Variants in KDM5C observed in about 807,000 individuals in gnomAD.
KDM5C encodes lysine-specific demethylase 5C.
Under a neutral mutation model 110.6 loss-of-function variants are expected in KDM5C, and 16 were observed. The ratio of observed to expected loss-of-function variants is 0.14; its 90% confidence interval spans 0.10 to 0.22. The LOEUF (loss-of-function observed/expected upper bound fraction) is 0.22, where lower values mean the gene tolerates loss of function less well. Ranked by LOEUF, KDM5C falls within the 10% of genes least tolerant of loss-of-function variation. KDM5C has a pLI of 1.00. For synonymous variants in KDM5C, 511 were observed against 520.4 expected, an observed-to-expected ratio of 0.98 and a Z score of 0.24; for missense variants, 681 against 1,300.9, an observed-to-expected ratio of 0.52 and a Z score of 7.33.
At chrX:53,195,501 G>A in intron 20 of KDM5C, 91 bp from the exon 21 acceptor site, 2 of 900,202 alleles carry the variant, frequency 2.2e-6, no homozygotes, top group South Asian at 2.1e-5. Flanking sequence ...AAGATGAACT[G>A]GGCTCAGTCT....
At chrX:53,216,948 C>G (rs1410635913) in intron 5 of KDM5C, among the ~76,000 whole-genome samples, 195 bp downstream of exon 5, 1 of 112,202 alleles carries the variant, frequency 8.9e-6, no homozygotes, top group African/African-American at 3.2e-5. Flanking sequence ...ACAAACAGAT[C>G]AAGACCCAGC....
chrX:53,215,746 T>C (rs782679883), intron 7 of KDM5C, 49 bp downstream of exon 7: 3 of 1,166,069 alleles, frequency 2.6e-6, no homozygotes, highest in Non-Finnish European at 3.5e-6. Context: ...GGAATGCTTA[T>C]TGAAGGGACA....
intron 25 of KDM5C, among the ~76,000 whole-genome samples, chrX:53,182,381 C>CCTCCTTTGCCCAT (rs1556826510): frequency 1.8e-5 from 2 of 110,074 alleles, no homozygotes; most frequent in African/African-American, 6.6e-5. Context: ...CTGCGCCTGG[C>CCTCCTTTGCCCAT]TGGGCCAAAC....
rs1170550567 is a variant in KDM5C at position 53,192,541 on chromosome X, AAG to A, written c.*424_*425del. ...GGAGAAGGGGGTAGGAAGGAAGGAA[AAG>A]AGGGGAGGAGAGTGGGGGCAGGGGT... On this transcript the variant is annotated 3_prime_UTR_variant, in exon 26 of 26. Coordinates refer to ENST00000375401, the MANE Select transcript of KDM5C (RefSeq NM_004187.5). The A allele has an allele frequency of 2.8e-6, 1 of 355,656 alleles. No individual in the cohort carries two copies. Among genetic ancestry groups the A allele is most frequent in the Non-Finnish European group, 5.0e-6 (1 of 200,371 alleles). The allele number at this position is 355,656 out of a possible 1,213,427, so 29.3% of individuals were successfully genotyped here.
downstream of KDM5C, among the ~76,000 whole-genome samples, chrX:53,188,732 GAAATT>G (rs1360738262): frequency 9.0e-6 from 1 of 111,584 alleles, no homozygotes; most frequent in Non-Finnish European, 1.9e-5. Context: ...TCTCACATCT[GAAATT>G]AAGTTATAAA....
Position 53,196,969 on chromosome X carries a change from G to T in KDM5C, c.2698C>A (p.Leu900Ile). 1 of 1,194,266 alleles carries T rather than the reference G, an allele frequency of 8.4e-7. No homozygotes were observed. The highest frequency in any genetic ancestry group is 1.1e-6 in the Non-Finnish European group (1 of 886,569). ...ALASLPSSPGLLQSLLERGRQ... is the reference protein window; with the variant it reads ...ALASLPSSPGILQSLLERGRQ... The stretch of plus-strand genomic sequence containing the variant: ...CCCCTCTCCAACAGGGACTGCAGTA[G>T]CCCTGGACTGGAGGGCAGTGAGGCC... The change falls in exon 19 of 26, where the codon CTA becomes ATA. Residue 900 changes from leucine (L) to isoleucine (I), a missense_variant. Physicochemically the swap from Leu to Ile is conservative, Grantham distance 5. Around this residue, in one of 14 missense-constraint regions of KDM5C, gnomAD observed 123 missense variants for 169.0 expected, o/e 0.73. Coordinates refer to ENST00000375401, the MANE Select transcript of KDM5C (RefSeq NM_004187.5).
intron 25 of KDM5C, among the ~76,000 whole-genome samples, chrX:53,179,753 A>G (rs1556825295): frequency 8.9e-6 from 1 of 112,240 alleles, no homozygotes; most frequent in Admixed American, 9.5e-5. Flanking sequence ...ACCTATTAGT[A>G]TGGCCAAAAT....
At position 53,192,993 on chromosome X, in the gene KDM5C, G is replaced by A; in HGVS notation, c.4657C>T (p.Gln1553Ter). Reference sequence around the variant, plus strand: ...CACAACTGTTGCTGAGGCGGCTGCTGTGGGCAGGGCAGATGCAGCCGGGGA... The same window carrying A: ...CACAACTGTTGCTGAGGCGGCTGCTATGGGCAGGGCAGATGCAGCCGGGGA... ...LTPRLHLPCP[Q>*]QPPQQQL The change falls in exon 26 of 26, where the codon CAG (glutamine) becomes TAG (stop). Residue 1553 changes from glutamine to a stop codon, truncating the protein, a stop_gained. Coordinates refer to ENST00000375401, the MANE Select transcript of KDM5C (RefSeq NM_004187.5). LOFTEE classifies it high-confidence loss of function. 1 of 1,178,706 alleles carries A rather than the reference G, an allele frequency of 8.5e-7. No homozygotes were observed. Among genetic ancestry groups the A allele is most frequent in the Non-Finnish European group, 1.1e-6 (1 of 878,230 alleles).
Position 53,192,754 on chromosome X carries a change from G to A in KDM5C, c.*213C>T, listed in dbSNP as rs1291607611. 4 of 1,159,542 alleles carry A rather than the reference G, an allele frequency of 3.4e-6. No individual in the cohort carries two copies. The highest frequency in any genetic ancestry group is 4.6e-6 in the Non-Finnish European group (4 of 870,276). On this transcript the variant is annotated 3_prime_UTR_variant, in exon 26 of 26. Transcript: ENST00000375401. ...AATGCTGGTTAGAGGCTACCAGGGA[G>A]GGAAGACTCCAGGGGCCGGCCCCCA... is the stretch of plus-strand genomic sequence containing the variant.
In KDM5C at chrX:53,225,112, C is replaced by G. The variant is rs1372469378; in HGVS notation, c.-223G>C. On this transcript the variant is annotated 5_prime_UTR_variant, in exon 1 of 26. Transcript: ENST00000375401. The stretch of plus-strand genomic sequence containing the variant: ...TTCGTCCCGCTCCGTTTCTTCCAAA[C>G]TGTGTGGTTGCCTCCCCACTACCGC... 7.4e-6 allele frequency: 3 copies of G among 403,206 alleles called. No individual in the cohort carries two copies. Among genetic ancestry groups the G allele is most frequent in the Non-Finnish European group, 1.2e-5 (3 of 241,903 alleles). The allele number at this position is 403,206 out of a possible 1,213,427, so 33.2% of individuals were successfully genotyped here. A position where few individuals can be genotyped will look rare whatever the true frequency, so the allele number is the denominator to read the frequency against.
At position 53,192,375 on chromosome X, in the gene KDM5C, G is replaced by A. The variant is rs1316658496; in HGVS notation, c.*592C>T. On this transcript the variant is annotated 3_prime_UTR_variant, in exon 26 of 26. Coordinates refer to ENST00000375401, the MANE Select transcript of KDM5C (RefSeq NM_004187.5). The stretch of plus-strand genomic sequence containing the variant: ...AGGGAGGGAGGACTGAGGTGGTTGT[G>A]AGGACAAGCACCAAAAGCTTTCTTC... 1 of 187,865 alleles carries A rather than the reference G, an allele frequency of 5.3e-6. No homozygotes were observed. Among genetic ancestry groups the A allele is most frequent in the Non-Finnish European group, 1.0e-5 (1 of 100,366 alleles). 15.5% of individuals were successfully genotyped at this position (187,865 alleles called of 1,213,427 possible). A position where few individuals can be genotyped will look rare whatever the true frequency, so the allele number is the denominator to read the frequency against.
Position 53,195,278 on chromosome X carries a change from C to T in KDM5C, c.3253G>A (p.Ala1085Thr). 8.3e-7 allele frequency: 1 copy of T among 1,204,650 alleles called. No homozygotes were observed. Among genetic ancestry groups the T allele is most frequent in the Non-Finnish European group, 1.1e-6 (1 of 891,432 alleles). Residue 1085 changes from alanine (A) to threonine (T), a missense_variant, in exon 21 of 26, where the codon GCC (alanine) becomes ACC (threonine). Ala to Thr is a moderately conservative substitution (Grantham distance 58, BLOSUM62 0). Coordinates refer to ENST00000375401, the MANE Select transcript of KDM5C (RefSeq NM_004187.5). ...VLTAHSWREK[A>T]SKTFLKKNSC... ...TTTTTCTTGAGGAAGGTCTTGGAGGCCTTCTCCCTCCAGGAGTGCGCTGTC... is the reference window on the plus strand; with the variant it reads ...TTTTTCTTGAGGAAGGTCTTGGAGGTCTTCTCCCTCCAGGAGTGCGCTGTC...
Position 53,192,861 on chromosome X carries a change from A to ACCCCCCCCCCCCCCCCC in KDM5C, c.*105_*106insGGGGGGGGGGGGGGGGG. 4.0e-6 allele frequency: 2 copies of ACCCCCCCCCCCCCCCCC among 502,010 alleles called. No homozygotes were observed. The highest frequency in any genetic ancestry group is 5.8e-6 in the Non-Finnish European group (2 of 347,652). The allele number at this position is 502,010 out of a possible 1,213,427, so 41.4% of individuals were successfully genotyped here. A position where few individuals can be genotyped will look rare whatever the true frequency, so the allele number is the denominator to read the frequency against. Reference sequence around the variant, plus strand: ...GGGTGGGCGGGTAGCAGGGATGGCCACCCCCCTACCCGCCCACCCCCCAAG... The same window carrying ACCCCCCCCCCCCCCCCC: ...GGGTGGGCGGGTAGCAGGGATGGCCACCCCCCCCCCCCCCCCCCCCCCCTACCCGCCCACCCCCCAAG... On this transcript the variant is annotated 3_prime_UTR_variant, in exon 26 of 26. Coordinates refer to ENST00000375401, the MANE Select transcript of KDM5C (RefSeq NM_004187.5).
chrX:53,214,553 G>T, intron 8 of KDM5C, 136 bp downstream of exon 8: 1 of 675,714 alleles, frequency 1.5e-6, no homozygotes, highest in Non-Finnish European at 2.2e-6. Context: ...TTCTCCCAAA[G>T]CTCTGCCCAG....
chrX:53,221,855 G>C, intron 1 of KDM5C: 1 of 553,961 alleles, frequency 1.8e-6, no homozygotes, highest in Non-Finnish European at 2.7e-6. Context: ...ATGAAAGTGG[G>C]AGACACTCTG....
In KDM5C at chrX:53,197,038, G is replaced by A; in HGVS notation, c.2629C>T (p.Leu877=). The A allele has an allele frequency of 8.4e-7, 1 of 1,184,003 alleles. No individual in the cohort carries two copies. The highest frequency in any genetic ancestry group is 1.1e-6 in the Non-Finnish European group (1 of 878,358). ...GCCTGGTAGGCCTCCACCTGTTCCA[G>A]AACACCCTACCAGGACACAGGATGA... ...MHQIGDVKGV[L]EQVEAYQAEA... The change falls in exon 19 of 26, where the codon CTG becomes TTG. Residue 877 remains leucine (L), a synonymous_variant. Transcript: ENST00000375401.
At chrX:53,206,374 CA>C (rs2073328031) in intron 12 of KDM5C, among the ~76,000 whole-genome samples, 1 of 111,465 alleles carries the variant, frequency 9.0e-6, no homozygotes, top group African/African-American at 3.3e-5. Context: ...AAATGTTCTA[CA>C]ACTGGATTGT....
chrX:53,216,996 T>G, intron 5 of KDM5C, 147 bp downstream of exon 5: 1 of 728,090 alleles, frequency 1.4e-6, no homozygotes, highest in Admixed American at 2.7e-5. Context: ...AAAGCAAGAG[T>G]GAAGCCAGAG....
intron 1 of KDM5C, among the ~76,000 whole-genome samples, chrX:53,221,232 A>G (rs782489982): frequency 7.3e-5 from 8 of 110,136 alleles, no homozygotes; most frequent in Non-Finnish European, 1.3e-4. Context: ...GTTGACCCTA[A>G]ACCTTCTCCA....
Sources: gnomAD v4.1 joint callset for allele counts (sites outside exome capture counted in the v4.1 genomes callset) on GRCh38, gnomAD v4.1.1 for gene constraint, gnomAD v4.1.1 regional missense constraint, MANE v1.5 for transcripts, NCBI Gene and HGNC (gene_info 2026-07-23, HGNC 2026-07-21) for gene names.